The following CHD9 variants were observed in gnomAD, a reference collection of about 807,000 sequenced individuals.
The protein encoded by CHD9 is chromodomain helicase DNA binding protein 9.
In CHD9, 77 loss-of-function variants were observed where a neutral mutation model predicts 316.1. That is an observed-to-expected ratio of 0.24 (90% CI 0.20 to 0.29). The LOEUF (loss-of-function observed/expected upper bound fraction) is 0.29. Among genes scored for constraint, CHD9 ranks in the 10% least tolerant of loss-of-function variants. The probability of loss-of-function intolerance (pLI) is 1.00; values close to 1 mark genes in which losing one functional copy is unlikely to be tolerated. For missense variants in CHD9, 2,763 were observed against 3,438.1 expected (o/e 0.80, Z 4.91); for synonymous variants, 1,129 against 1,158.3 (o/e 0.97, Z 0.51).
chr16:53,296,533 T>G lies in CHD9; in HGVS notation c.5511-423T>G, dbSNP rs564707687. Among the ~76,000 whole-genome samples, 6 of 145,788 alleles carry G rather than the reference T, an allele frequency of 4.1e-5. No homozygotes were observed. In the South Asian group the frequency reaches 1.3e-3, roughly 32 times the overall value. ...TCGGCTCACTGCAAGCTCCACCTCCTGGGTTCACGCCATTCTCCTGCCTCA... is the reference window on the plus strand; with the variant it reads ...TCGGCTCACTGCAAGCTCCACCTCCGGGGTTCACGCCATTCTCCTGCCTCA... On this transcript the variant is annotated intron_variant, in intron 29 of 38. Coordinates refer to ENST00000447540, the MANE Select transcript of CHD9 (RefSeq NM_001308319.2).
chr16:53,153,902 G>A (rs187018156), intron 1 of CHD9, among the ~76,000 whole-genome samples: 2 of 152,246 alleles, frequency 1.3e-5, no homozygotes, highest in Non-Finnish European at 2.9e-5. Context: ...CAGCTTGTAG[G>A]TAGGAAACAC....
At chr16:53,136,130 C>T (rs1413932545) in intron 1 of CHD9, among the ~76,000 whole-genome samples, 1 of 152,110 alleles carries the variant, frequency 6.6e-6, no homozygotes, top group African/African-American at 2.4e-5. Flanking sequence ...TCTAAAATAG[C>T]TGTCAGATAC....
intron 1 of CHD9, among the ~76,000 whole-genome samples, chr16:53,134,380 C>T (rs1210487030): frequency 6.6e-6 from 1 of 152,190 alleles, no homozygotes; most frequent in Admixed American, 6.5e-5. Flanking sequence ...CACTTATTTA[C>T]GTTGTAAATT....
chr16:53,080,246 GT>G (rs1005651249), intron 1 of CHD9, among the ~76,000 whole-genome samples: 3 of 152,102 alleles, frequency 2.0e-5, no homozygotes, highest in South Asian at 2.1e-4. Context: ...GGCAAGAAGG[GT>G]TTTTTTCTTT....
In CHD9 at chr16:53,326,801, A is replaced by C. The variant is rs1422017342; in HGVS notation, c.*1906A>C. ...CTTAGTTTACCGGTGGAGTATTTCA[A>C]CACCAACCACATTTCCCTTCCTCCC... On this transcript the variant is annotated 3_prime_UTR_variant, in exon 39 of 39. Transcript: ENST00000447540. 1 of 152,240 alleles carries C rather than the reference A, an allele frequency of 6.6e-6. No individual in the cohort carries two copies. The highest frequency in any genetic ancestry group is 1.5e-5 in the Non-Finnish European group (1 of 67,832). 9.4% of individuals were successfully genotyped at this position (152,240 alleles called of 1,614,324 possible).
intron 15 of CHD9, among the ~76,000 whole-genome samples, 151 bp downstream of exon 15, chr16:53,246,001 T>A (rs1420515399): frequency 6.6e-6 from 1 of 152,250 alleles, no homozygotes; most frequent in Non-Finnish European, 1.5e-5. Flanking sequence ...AGAGGCAATG[T>A]GAACTGCTTT....
intron 19 of CHD9, among the ~76,000 whole-genome samples, chr16:53,256,486 C>A (rs1183729889): frequency 2.7e-5 from 4 of 147,602 alleles, no homozygotes; most frequent in Non-Finnish European, 6.0e-5. Context: ...CCATGCCCGG[C>A]TAATTTTTGT....
At chr16:53,091,008 C>T (rs28425645) in intron 1 of CHD9, among the ~76,000 whole-genome samples, 7 of 151,338 alleles carry the variant, frequency 4.6e-5, no homozygotes, top group African/African-American at 7.3e-5. Flanking sequence ...CTCACCCCCC[C>T]CCGACTGACC....
At chr16:53,076,296 T>A (rs1307559959) in intron 1 of CHD9, among the ~76,000 whole-genome samples, 1 of 152,180 alleles carries the variant, frequency 6.6e-6, no homozygotes, top group African/African-American at 2.4e-5. Flanking sequence ...TTAATTAGGC[T>A]GGGTGTGATG....
chr16:53,094,608 C>A (rs1198945657), intron 1 of CHD9, among the ~76,000 whole-genome samples: 1 of 152,066 alleles, frequency 6.6e-6, no homozygotes, highest in East Asian at 1.9e-4. Context: ...GTACTTCATA[C>A]CAGTCCCAAG....
intron 1 of CHD9, among the ~76,000 whole-genome samples, chr16:53,115,231 C>T (rs2038201484): frequency 1.3e-5 from 2 of 152,098 alleles, no homozygotes; most frequent in Non-Finnish European, 2.9e-5. Context: ...ACCTAGATGA[C>T]CTAAGAAGGA....
At chr16:53,242,688 A>G (rs1476508933) in intron 12 of CHD9, among the ~76,000 whole-genome samples, 152 bp from the exon 13 acceptor site, 3 of 152,212 alleles carry the variant, frequency 2.0e-5, no homozygotes, top group Non-Finnish European at 2.9e-5. Flanking sequence ...TACAGTTTCA[A>G]TGATAAAAGT....
intron 1 of CHD9, among the ~76,000 whole-genome samples, chr16:53,089,876 C>T (rs1567319697): frequency 6.6e-6 from 1 of 152,208 alleles, no homozygotes. Flanking sequence ...GACTGATCCC[C>T]TTTACACCAG....
intron 1 of CHD9, among the ~76,000 whole-genome samples, chr16:53,125,218 ATTTTTTTTTT>A (rs34096444): frequency 1.0e-5 from 1 of 95,760 alleles, no homozygotes; most frequent in South Asian, 3.7e-4. Context: ...TCAAGTTAGG[ATTTTTTTTTT>A]TTTTTTTTTT....
intron 24 of CHD9, among the ~76,000 whole-genome samples, chr16:53,277,536 A>C (rs1225778753): frequency 6.6e-6 from 1 of 152,222 alleles, no homozygotes; most frequent in East Asian, 1.9e-4. Context: ...CATTTGACGA[A>C]ATCCAGCATC....
chr16:53,313,070 A>C (rs1304181381), intron 34 of CHD9, among the ~76,000 whole-genome samples: 1 of 152,190 alleles, frequency 6.6e-6, no homozygotes, highest in Admixed American at 6.5e-5. Context: ...CTATTAGAAA[A>C]ATTGATGAAT....
intron 31 of CHD9, among the ~76,000 whole-genome samples, chr16:53,305,442 G>A (rs1456139943): frequency 6.6e-6 from 1 of 152,148 alleles, no homozygotes; most frequent in African/African-American, 2.4e-5. Flanking sequence ...CAAATTCCCT[G>A]TTTAATATTC....
intron 1 of CHD9, among the ~76,000 whole-genome samples, chr16:53,070,726 G>A (rs908475627): frequency 6.6e-6 from 1 of 152,022 alleles, no homozygotes; most frequent in African/African-American, 2.4e-5. Flanking sequence ...GCTAATTTTT[G>A]TAGTTTTAGT....
At chr16:53,108,835 A>G (rs969424206) in intron 1 of CHD9, among the ~76,000 whole-genome samples, 1 of 151,934 alleles carries the variant, frequency 6.6e-6, no homozygotes, top group African/African-American at 2.4e-5. Context: ...AGATCGATCC[A>G]TTGCACCGAG....
Sources: gnomAD v4.1 joint callset for allele counts (sites outside exome capture counted in the v4.1 genomes callset) on GRCh38, gnomAD v4.1.1 for gene constraint, MANE v1.5 for transcripts, NCBI Gene and HGNC (gene_info 2026-07-23, HGNC 2026-07-21) for gene names.